Variants in USP30 observed in about 807,000 individuals in gnomAD.
USP30 encodes ubiquitin carboxyl-terminal hydrolase 30.
A neutral mutation model predicts 68.2 loss-of-function variants in USP30; 41 were observed. The ratio of observed to expected loss-of-function variants is 0.60; its 90% CI spans 0.47 to 0.78. The LOEUF (loss-of-function observed/expected upper bound fraction) is 0.78. USP30 is among the 30% of genes least tolerant of loss of function. The pLI, the probability that USP30 is intolerant of heterozygous loss-of-function variation, is 0.00. For synonymous variants in USP30, 229 were observed against 253.7 expected (o/e 0.90, Z 0.93); for missense variants, 522 against 649.4 (o/e 0.80, Z 2.13).
At chr12:109,084,380 A>C (rs1472713008) in intron 11 of USP30, among the ~76,000 whole-genome samples, 1 of 152,222 alleles carries the variant, frequency 6.6e-6, no homozygotes. Flanking sequence ...TATTCCTTAG[A>C]AGCTGACAGA....
In USP30 at chr12:109,073,293, C is replaced by G; in HGVS notation, c.626-145C>G. The G allele has an allele frequency of 4.8e-6, 3 of 624,480 alleles. No individual in the cohort carries two copies. The South Asian group carries it at 5.9e-5, about 12-fold the overall frequency. 38.7% of individuals were successfully genotyped at this position (624,480 alleles called of 1,614,324 possible). On this transcript the variant is annotated intron_variant, in intron 6 of 12. Coordinates refer to ENST00000257548, the MANE Select transcript of USP30 (RefSeq NM_032663.5). ...AATGGGATGTCTTTTGGATGGAAGT[C>G]AATGAGGAAAGCTATTTCAATGTAC...
rs1314669079 is a variant in USP30 at position 109,070,686 on chromosome 12, G to A, written c.481-926G>A. 2.6e-5 allele frequency among the ~76,000 whole-genome samples: 4 copies of A among 152,168 alleles called. No individual in the cohort carries two copies. The highest frequency in any genetic ancestry group is 9.7e-5 in the African/African-American group (4 of 41,428). On this transcript the variant is annotated intron_variant, in intron 4 of 12. Transcript: ENST00000257548. The surrounding 1 kb of genome is among the most constrained non-coding windows in gnomAD (Gnocchi z 4.0). The stretch of plus-strand genomic sequence containing the variant: ...CCTGTGTTGTGACCCCGTTACTCCC[G>A]GAAGAGTGAGGGGTGGCTTGGGTTT...
chr12:109,025,216 G>A (rs2040435654), intron 2 of USP30: 1 of 152,084 alleles, frequency 6.6e-6, no homozygotes, highest in Non-Finnish European at 1.5e-5. Flanking sequence ...CAGCATCCCA[G>A]GGTTTCTAGC....
intron 3 of USP30, among the ~76,000 whole-genome samples, chr12:109,040,326 C>A (rs1003244314): frequency 6.6e-5 from 10 of 152,208 alleles, no homozygotes; most frequent in African/African-American, 2.4e-4. Context: ...ATCCACTTGA[C>A]TGTGTTGGGG....
chr12:109,030,931 A>G (rs1023749586), intron 3 of USP30, among the ~76,000 whole-genome samples: 1 of 152,168 alleles, frequency 6.6e-6, no homozygotes, highest in African/African-American at 2.4e-5. Context: ...ATTCTTTTAC[A>G]ATGTACACAT....
At chr12:109,028,778 C>T (rs1271896762) in intron 3 of USP30, among the ~76,000 whole-genome samples, 1 of 152,112 alleles carries the variant, frequency 6.6e-6, no homozygotes, top group East Asian at 1.9e-4. Flanking sequence ...CACCCGACTA[C>T]CACACACTTT....
chr12:109,053,350 G>A (rs1593234984), intron 1 of USP30, among the ~76,000 whole-genome samples: 1 of 152,096 alleles, frequency 6.6e-6, no homozygotes, highest in Non-Finnish European at 1.5e-5. Context: ...TTTTGCAAGG[G>A]TCTCTAAATT....
In USP30 at chr12:109,070,746, A is replaced by T. The variant is rs550297383; in HGVS notation, c.481-866A>T. Among the ~76,000 whole-genome samples, 1 of 152,288 alleles carries T rather than the reference A, an allele frequency of 6.6e-6. No individual in the cohort carries two copies. Among genetic ancestry groups the T allele is most frequent in the South Asian group, 2.1e-4 (1 of 4,820 alleles). On this transcript the variant is annotated intron_variant, in intron 4 of 12. Transcript: ENST00000257548. The surrounding 1 kb of genome is among the most constrained non-coding windows in gnomAD (Gnocchi z 4.0). ...GAGCCATTTGAGTTGATCCTTCAAGAGTAGTCCCATGCCATTGGATCCAGC... is the reference window on the plus strand; with the variant it reads ...GAGCCATTTGAGTTGATCCTTCAAGTGTAGTCCCATGCCATTGGATCCAGC...
At chr12:109,040,140 A>G (rs2040553522) in intron 3 of USP30, among the ~76,000 whole-genome samples, 1 of 152,234 alleles carries the variant, frequency 6.6e-6, no homozygotes, top group Non-Finnish European at 1.5e-5. Flanking sequence ...AGGTTGATGA[A>G]TAAAATAGTG....
intron 3 of USP30, among the ~76,000 whole-genome samples, chr12:109,059,751 G>A (rs1182646210): frequency 6.6e-6 from 1 of 152,142 alleles, no homozygotes; most frequent in Non-Finnish European, 1.5e-5. Context: ...GACCTCAACT[G>A]ATCTGCCTGC....
intron 1 of USP30, among the ~76,000 whole-genome samples, chr12:109,055,400 A>ATATATATATATT (rs1298811530): frequency 2.5e-4 from 6 of 24,472 alleles, no homozygotes; most frequent in African/African-American, 6.7e-4. Context: ...ATATATATAT[A>ATATATATATATT]TTTTTTTTTT....
At chr12:109,052,477 A>G (rs559054707), upstream of USP30, 22 of 445,136 alleles carry the variant, frequency 4.9e-5, no homozygotes, top group East Asian at 7.9e-4. Flanking sequence ...GAAAAGAAAG[A>G]AAGGACGTGG....
chr12:109,060,866 G>A (rs1386794179), intron 3 of USP30, among the ~76,000 whole-genome samples: 4 of 152,084 alleles, frequency 2.6e-5, no homozygotes, highest in Non-Finnish European at 4.4e-5. Context: ...GGCTGCTCTC[G>A]AACTCCTGAC....
upstream of USP30, chr12:109,052,283 C>G (rs947059001): frequency 6.1e-6 from 1 of 162,882 alleles, no homozygotes; most frequent in Non-Finnish European, 1.3e-5. Context: ...ATAGCAGAGG[C>G]CTGACCCGAC....
chr12:109,062,376 C>T (rs1350920106), intron 3 of USP30, among the ~76,000 whole-genome samples: 4 of 148,748 alleles, frequency 2.7e-5, no homozygotes, highest in African/African-American at 1.0e-4. Context: ...GCTCTGTCGC[C>T]CAGGCTGGAG....
chr12:109,084,235 C>A (rs2041884368), intron 11 of USP30, among the ~76,000 whole-genome samples: 1 of 152,152 alleles, frequency 6.6e-6, no homozygotes, highest in Non-Finnish European at 1.5e-5. Flanking sequence ...CTAAAACACA[C>A]ACAAAAAATG....
intron 3 of USP30, among the ~76,000 whole-genome samples, chr12:109,034,902 T>G (rs1186567836): frequency 3.3e-5 from 5 of 152,248 alleles, no homozygotes; most frequent in African/African-American, 1.2e-4. Flanking sequence ...AATTTTTGTC[T>G]CAAAGTCTAT....
chr12:109,031,580 C>G (rs1436291014), intron 3 of USP30, among the ~76,000 whole-genome samples: 1 of 152,086 alleles, frequency 6.6e-6, no homozygotes, highest in East Asian at 1.9e-4. Context: ...TCACAATAGC[C>G]AAACAGTGGA....
chr12:109,040,350 C>T (rs1314649088), intron 3 of USP30, among the ~76,000 whole-genome samples: 1 of 152,174 alleles, frequency 6.6e-6, no homozygotes, highest in African/African-American at 2.4e-5. Flanking sequence ...GGAACCCACA[C>T]TTTTAACAAG....
Sources: allele counts gnomAD v4.1 joint callset (sites outside exome capture counted in the v4.1 genomes callset), GRCh38; gene constraint gnomAD v4.1.1; non-coding constraint Gnocchi (gnomAD v3.1); transcripts MANE v1.5; gene names NCBI Gene and HGNC (gene_info 2026-07-23, HGNC 2026-07-21).